Variants in VPS13C observed in about 807,000 individuals in gnomAD.
The protein encoded by VPS13C is vacuolar protein sorting 13 homolog C.
Under a neutral mutation model 456.8 loss-of-function variants are expected in VPS13C, and 358 were observed. The observed-to-expected ratio is 0.78, with a 90% confidence interval of 0.72 to 0.86. The LOEUF (loss-of-function observed/expected upper bound fraction) is 0.86, where lower values mean the gene tolerates loss of function less well. VPS13C is among the 40% of genes least tolerant of loss of function. The pLI is 0.00. For missense variants in VPS13C, 4,818 were observed against 4,385.4 expected, an observed-to-expected ratio of 1.10 and a Z score of -2.79; for synonymous variants, 1,578 against 1,486.7, an observed-to-expected ratio of 1.06 and a Z score of -1.41.
intron 1 of VPS13C, among the ~76,000 whole-genome samples, chr15:62,058,938 A>G (rs2140827260): frequency 6.9e-6 from 1 of 145,308 alleles, no homozygotes; most frequent in East Asian, 1.9e-4. Context: ...CCAAAAAAAA[A>G]AAACAACAAC....
Position 61,899,393 on chromosome 15 carries a change from T to G in VPS13C, c.9105+7871A>C, listed in dbSNP as rs1161865374. Among the ~76,000 whole-genome samples the G allele has an allele frequency of 6.0e-5, 9 of 150,878 alleles. No homozygotes were observed. In the South Asian group the frequency reaches 1.7e-3, roughly 28 times the overall value. On this transcript the variant is annotated intron_variant, in intron 66 of 84. Transcript: ENST00000644861. ...AAGAAAAAAAGAGAGAAGAATCAAA[T>G]AGACGCAATAAAAAATGATAAAGGG...
intron 3 of VPS13C, among the ~76,000 whole-genome samples, chr15:62,039,438 G>C (rs903320061): frequency 2.0e-5 from 3 of 151,842 alleles, no homozygotes; most frequent in African/African-American, 7.3e-5. Flanking sequence ...CAGCTCCACA[G>C]AGACATTGCC....
At chr15:62,032,155 T>C (rs931827153) in intron 5 of VPS13C, among the ~76,000 whole-genome samples, 4 of 151,852 alleles carry the variant, frequency 2.6e-5, no homozygotes, top group African/African-American at 4.8e-5. Flanking sequence ...CTAATCTGAA[T>C]AGTTTCAAGA....
At chr15:62,041,411 G>T (rs760758333) in intron 2 of VPS13C, 45 bp from the exon 3 acceptor site, 1 of 1,559,726 alleles carries the variant, frequency 6.4e-7, no homozygotes, top group East Asian at 2.3e-5. Flanking sequence ...AAATTATGAA[G>T]CCAACCCAAA....
In VPS13C at chr15:61,959,431, T is replaced by C; in HGVS notation, c.4056+17A>G. 1.3e-6 allele frequency: 2 copies of C among 1,543,528 alleles called. No homozygotes were observed. Among genetic ancestry groups the C allele is most frequent in the Non-Finnish European group, 1.8e-6 (2 of 1,139,604 alleles). On this transcript the variant is annotated intron_variant, in intron 36 of 84. Transcript: ENST00000644861. ...AAAATTTCAACAATGAAGTTTTTTC[T>C]TCACTCATATACTTACATTCATTGA...
intron 53 of VPS13C, among the ~76,000 whole-genome samples, chr15:61,923,188 G>C (rs1209591434): frequency 1.3e-5 from 2 of 148,662 alleles, no homozygotes; most frequent in Non-Finnish European, 3.0e-5. Flanking sequence ...CATAAATATC[G>C]GTATGCAACA....
chr15:61,978,016 T>C (rs1474123380), intron 23 of VPS13C, among the ~76,000 whole-genome samples: 1 of 152,004 alleles, frequency 6.6e-6, no homozygotes, highest in African/African-American at 2.4e-5. Context: ...TCAAGGATAA[T>C]TAATAAATAT....
At chr15:62,031,541 A>T (rs1367462967) in intron 5 of VPS13C, among the ~76,000 whole-genome samples, 1 of 152,014 alleles carries the variant, frequency 6.6e-6, no homozygotes, top group African/African-American at 2.4e-5. Context: ...GAAAAAAATA[A>T]TCTAAATATA....
intron 32 of VPS13C, 114 bp downstream of exon 32, chr15:61,963,721 T>C: frequency 1.4e-6 from 1 of 739,720 alleles, no homozygotes; most frequent in Non-Finnish European, 2.3e-6. Flanking sequence ...ATTACGTCTT[T>C]TCAGGTTTCA....
intron 16 of VPS13C, among the ~76,000 whole-genome samples, chr15:61,995,139 A>C (rs2140434577): frequency 6.6e-6 from 1 of 152,340 alleles, no homozygotes; most frequent in South Asian, 2.1e-4. Context: ...ATTCTATAAA[A>C]ATTGCTCTTA....
At chr15:62,037,883 T>C (rs1286679609) in intron 3 of VPS13C, among the ~76,000 whole-genome samples, 1 of 152,012 alleles carries the variant, frequency 6.6e-6, no homozygotes, top group African/African-American at 2.4e-5. Context: ...TTATCCTGTT[T>C]CGAGACAAAA....
At chr15:61,990,538 C>T (rs956773395) in intron 18 of VPS13C, among the ~76,000 whole-genome samples, 7 of 152,094 alleles carry the variant, frequency 4.6e-5, no homozygotes, top group East Asian at 1.9e-4. Flanking sequence ...AGGCTGGGCA[C>T]GGTGGCTCAC....
intron 45 of VPS13C, 126 bp downstream of exon 45, chr15:61,945,589 T>C (rs2044576039): frequency 1.7e-6 from 1 of 599,390 alleles, no homozygotes; most frequent in Admixed American, 3.1e-5. Context: ...AATATTAACA[T>C]TCTGTTCAGC....
intron 39 of VPS13C, 106 bp from the exon 40 acceptor site, chr15:61,951,130 C>A: frequency 1.6e-6 from 1 of 637,740 alleles, no homozygotes; most frequent in Non-Finnish European, 2.6e-6. Flanking sequence ...AAACTCAGGA[C>A]TGTACACTAA....
At chr15:61,967,207 G>A (rs1240999779) in intron 29 of VPS13C, among the ~76,000 whole-genome samples, 161 bp downstream of exon 29, 1 of 151,902 alleles carries the variant, frequency 6.6e-6, no homozygotes, top group African/African-American at 2.4e-5. Flanking sequence ...GTACTTAAGT[G>A]AAAGAAAAGA....
At chr15:62,023,552 A>C (rs759992331) in intron 7 of VPS13C, 32 bp from the exon 8 acceptor site, 1 of 1,487,528 alleles carries the variant, frequency 6.7e-7, no homozygotes, top group South Asian at 1.3e-5. Flanking sequence ...CAAGCTCAAG[A>C]GTTGAAATTC....
intron 37 of VPS13C, among the ~76,000 whole-genome samples, chr15:61,956,011 C>T (rs975790885): frequency 6.6e-6 from 1 of 151,982 alleles, no homozygotes; most frequent in African/African-American, 2.4e-5. Flanking sequence ...TCTACCAAAA[C>T]GACCACATGC....
At chr15:62,027,781 T>C (rs946108936) in intron 6 of VPS13C, among the ~76,000 whole-genome samples, 4 of 152,068 alleles carry the variant, frequency 2.6e-5, no homozygotes, top group African/African-American at 4.8e-5. Flanking sequence ...AAGAATCATA[T>C]CATAAATCCT....
chr15:61,989,978 G>C (rs2046173795), intron 18 of VPS13C, among the ~76,000 whole-genome samples: 1 of 152,000 alleles, frequency 6.6e-6, no homozygotes, highest in Admixed American at 6.6e-5. Flanking sequence ...TGATAAACAA[G>C]AAACAACCCA....
Sources: gnomAD v4.1 joint callset for allele counts (sites outside exome capture counted in the v4.1 genomes callset) on GRCh38, gnomAD v4.1.1 for gene constraint, MANE v1.5 for transcripts, NCBI Gene and HGNC (gene_info 2026-07-23, HGNC 2026-07-21) for gene names.